The following NANS variants were observed in gnomAD, a reference collection of about 807,000 sequenced individuals.
The protein encoded by NANS is N-acetylneuraminate synthase.
In NANS, 29 loss-of-function variants were observed where a neutral mutation model predicts 33.3. The ratio of observed to expected loss-of-function variants is 0.87; its 90% CI spans 0.65 to 1.19. The LOEUF (loss-of-function observed/expected upper bound fraction) is 1.19. NANS is among the 50% of genes most tolerant of loss of function. NANS has a pLI of 0.00. For synonymous variants in NANS, 163 were observed against 177.2 expected (o/e 0.92, Z 0.64); for missense variants, 394 against 461.1 (o/e 0.85, Z 1.33).
intron 2 of NANS, among the ~76,000 whole-genome samples, chr9:98,065,658 T>C (rs1055839866): frequency 2.4e-4 from 36 of 150,464 alleles, no homozygotes; most frequent in African/African-American, 8.4e-4. Context: ...TTTTTCCCCC[T>C]GGAGACAGAA....
intron 2 of NANS, among the ~76,000 whole-genome samples, chr9:98,068,020 C>T (rs1237880668): frequency 6.6e-6 from 1 of 152,146 alleles, no homozygotes; most frequent in Non-Finnish European, 1.5e-5. Context: ...CCATGCCTCG[C>T]CCTTTTTCAC....
chr9:98,062,762 A>C (rs1829019150), intron 2 of NANS, among the ~76,000 whole-genome samples: 1 of 148,706 alleles, frequency 6.7e-6, no homozygotes, highest in East Asian at 2.0e-4. Flanking sequence ...ACTTTTGGAT[A>C]CGGAAGTTAT....
At chr9:98,078,167 G>C (rs1342040193) in intron 3 of NANS, 26 bp from the exon 4 acceptor site, 16 of 1,613,986 alleles carry the variant, frequency 9.9e-6, no homozygotes, top group Non-Finnish European at 1.3e-5. Context: ...AGAAAGTGCT[G>C]ATGGTGTTGG....
At chr9:98,070,977 A>G (rs1253884799) in intron 2 of NANS, among the ~76,000 whole-genome samples, 1 of 151,336 alleles carries the variant, frequency 6.6e-6, no homozygotes, top group African/African-American at 2.4e-5. Flanking sequence ...ACAACCAGCT[A>G]ATTTCTAAAT....
At position 98,080,034 on chromosome 9, in the gene NANS, C is replaced by T. The variant is rs1386802807; in HGVS notation, c.604-782C>T. Among the ~76,000 whole-genome samples, 6 of 152,050 alleles carry T rather than the reference C, an allele frequency of 3.9e-5. 1 individual carries two copies. In the East Asian group the frequency reaches 7.7e-4, roughly 20 times the overall value. ...CTTGAGACCAGCCTGGCCAATGTGG[C>T]GAAACCCTGTCTCTACTAAAAATAC... On this transcript the variant is annotated intron_variant, in intron 4 of 5. Transcript: ENST00000210444.
intron 2 of NANS, among the ~76,000 whole-genome samples, chr9:98,073,939 A>G (rs1278514701): frequency 6.6e-6 from 1 of 151,888 alleles, no homozygotes; most frequent in African/African-American, 2.4e-5. Flanking sequence ...GGCACACACC[A>G]CACACCCGGC....
At chr9:98,077,401 G>T (rs945169867) in intron 3 of NANS, among the ~76,000 whole-genome samples, 91 of 151,030 alleles carry the variant, frequency 6.0e-4, no homozygotes, top group African/African-American at 2.2e-3. Context: ...ATAGAGACAA[G>T]GTCTGTCTAT....
intron 2 of NANS, among the ~76,000 whole-genome samples, chr9:98,067,543 T>C (rs1829184284): frequency 6.6e-6 from 1 of 152,264 alleles, no homozygotes. Flanking sequence ...AGAATGTCTA[T>C]TCAGATCCTT....
intron 2 of NANS, among the ~76,000 whole-genome samples, chr9:98,072,705 G>A (rs762055873): frequency 2.0e-5 from 3 of 152,098 alleles, no homozygotes; most frequent in African/African-American, 4.8e-5. Flanking sequence ...CACCGTGCCC[G>A]GCAGGAAAGT....
At chr9:98,078,883 A>AT (rs1347071341) in intron 4 of NANS, among the ~76,000 whole-genome samples, 1 of 150,928 alleles carries the variant, frequency 6.6e-6, no homozygotes, top group Non-Finnish European at 1.5e-5. Flanking sequence ...ATTTGGGATG[A>AT]TTTTACCTTT....
At chr9:98,074,772 C>T (rs1279536969) in intron 2 of NANS, 3 of 152,156 alleles carry the variant, frequency 2.0e-5, no homozygotes, top group African/African-American at 7.2e-5. Context: ...GTTTCTGCTT[C>T]TGTTTATGCC....
intron 4 of NANS, 32 bp from the exon 5 acceptor site, chr9:98,080,784 T>A (rs1829817884): frequency 6.5e-7 from 1 of 1,545,190 alleles, no homozygotes; most frequent in East Asian, 2.3e-5. Context: ...CAGCATGATA[T>A]TTAATGTTAT....
chr9:98,065,696 G>A (rs903387751), intron 2 of NANS, among the ~76,000 whole-genome samples: 10 of 150,578 alleles, frequency 6.6e-5, no homozygotes, highest in African/African-American at 1.7e-4. Flanking sequence ...TGTCTCCACC[G>A]AAATCTCAAC....
At chr9:98,062,211 A>AAT (rs1258116891) in intron 2 of NANS, among the ~76,000 whole-genome samples, 1 of 121,328 alleles carries the variant, frequency 8.2e-6, no homozygotes, top group Non-Finnish European at 1.9e-5. Flanking sequence ...GTCTCTTAAT[A>AAT]AAAAAAAAAA....
intron 2 of NANS, chr9:98,075,631 G>C (rs565671722): frequency 1.3e-5 from 2 of 152,278 alleles, no homozygotes; most frequent in South Asian, 4.1e-4. Context: ...AACTCACTAA[G>C]CCCTAACTTA....
chr9:98,075,928 A>C (rs1749716044), intron 2 of NANS: 1 of 152,212 alleles, frequency 6.6e-6, no homozygotes, highest in Admixed American at 6.5e-5. Context: ...ATAACTTGTG[A>C]TCCACTGATT....
intron 1 of NANS, among the ~76,000 whole-genome samples, chr9:98,059,505 C>T (rs986858469): frequency 1.3e-5 from 2 of 152,222 alleles, no homozygotes; most frequent in African/African-American, 2.4e-5. Flanking sequence ...ACCTCAACCT[C>T]TGGGGATCAA....
At chr9:98,057,922 G>GTTTTTTTTTTTTTTTTTTTTT (rs35104052) in intron 1 of NANS, among the ~76,000 whole-genome samples, 2 of 78,086 alleles carry the variant, frequency 2.6e-5, no homozygotes, top group Non-Finnish European at 4.6e-5. Flanking sequence ...TTTTTTCCTG[G>GTTTTTTTTTTTTTTTTTTTTT]TTTTTTTTTT....
chr9:98,081,128 A>G (rs749246056), intron 5 of NANS, 46 bp downstream of exon 5: 2 of 1,607,538 alleles, frequency 1.2e-6, no homozygotes, highest in Non-Finnish European at 1.7e-6. Context: ...GTGTGTGGAA[A>G]AAGGATAGGC....
Sources: allele counts gnomAD v4.1 joint callset (sites outside exome capture counted in the v4.1 genomes callset), GRCh38; gene constraint gnomAD v4.1.1; transcripts MANE v1.5; gene names NCBI Gene and HGNC (gene_info 2026-07-23, HGNC 2026-07-21).